Variants in SLC16A12 observed in about 807,000 individuals in gnomAD.
SLC16A12 encodes the protein monocarboxylate transporter 12.
In SLC16A12, 17 loss-of-function variants were observed where a neutral mutation model predicts 42.4. The ratio of observed to expected loss-of-function variants is 0.40; its 90% CI spans 0.27 to 0.60. The LOEUF (loss-of-function observed/expected upper bound fraction) is 0.60. Among genes scored for constraint, SLC16A12 ranks in the 20% least tolerant of loss-of-function variants. SLC16A12 has a pLI of 0.42. For missense variants in SLC16A12, 544 were observed against 623.0 expected (o/e 0.87, Z 1.35); for synonymous variants, 224 against 229.4 (o/e 0.98, Z 0.21).
At chr10:89,532,573 T>C (rs1408172826) in intron 2 of SLC16A12, among the ~76,000 whole-genome samples, 1 of 152,140 alleles carries the variant, frequency 6.6e-6, no homozygotes, top group African/African-American at 2.4e-5. Context: ...CATAAGAAAA[T>C]AGCTTCCAAA....
At position 89,432,935 on chromosome 10, in the gene SLC16A12, T is replaced by C; in HGVS notation, c.*129A>G. The C allele has an allele frequency of 2.3e-6, 3 of 1,278,448 alleles. No homozygotes were observed. The highest frequency in any genetic ancestry group is 3.2e-6 in the Non-Finnish European group (3 of 940,732). The allele number at this position is 1,278,448 out of a possible 1,614,324, so 79.2% of individuals were successfully genotyped here. ...TTTTCCCTTATAAATATTAATATGT[T>C]AACAAAACAATAATAATAATTTCCT... On this transcript the variant is annotated 3_prime_UTR_variant, in exon 8 of 8. Transcript: ENST00000371790.
intron 2 of SLC16A12, among the ~76,000 whole-genome samples, chr10:89,463,992 C>T (rs948784105): frequency 6.6e-6 from 1 of 152,134 alleles, no homozygotes; most frequent in Admixed American, 6.6e-5. Context: ...TGTGATGGAA[C>T]CTGACTCTCG....
chr10:89,488,051 A>T (rs1246858767), intron 2 of SLC16A12, among the ~76,000 whole-genome samples: 1 of 147,666 alleles, frequency 6.8e-6, no homozygotes, highest in African/African-American at 2.5e-5. Context: ...ATGTGTATGT[A>T]TAATACATAT....
At chr10:89,504,465 G>A (rs1843030930) in intron 2 of SLC16A12, among the ~76,000 whole-genome samples, 1 of 151,764 alleles carries the variant, frequency 6.6e-6, no homozygotes, top group African/African-American at 2.4e-5. Flanking sequence ...ATATATTATT[G>A]TACCCTGGAC....
At position 89,441,177 on chromosome 10, in the gene SLC16A12, TAG is replaced by T. The variant is rs778679651; in HGVS notation, c.377_378del (p.Ser126TyrfsTer73). Reference sequence around the variant, plus strand: ...GCAAATGAGCTCAGGATGAGTCCAGTAGATGCAAGCAAGCCACCCAGCATGAT... The same window carrying T: ...GCAAATGAGCTCAGGATGAGTCCAGTATGCAAGCAAGCCACCCAGCATGAT... ...VGIMLGGLLA[S>X]TGLILSSFAT... On this transcript the variant is annotated frameshift_variant, in exon 5 of 8. Coordinates refer to ENST00000371790, the MANE Select transcript of SLC16A12 (RefSeq NM_213606.4). LOFTEE classifies it high-confidence loss of function. The T allele has an allele frequency of 5.0e-6, 8 of 1,613,808 alleles. No individual in the cohort carries two copies. Among genetic ancestry groups the T allele is most frequent in the Non-Finnish European group, 6.8e-6 (8 of 1,179,896 alleles).
chr10:89,530,535 A>T (rs556338055), intron 2 of SLC16A12, among the ~76,000 whole-genome samples: 2 of 151,606 alleles, frequency 1.3e-5, no homozygotes, highest in East Asian at 3.9e-4. Flanking sequence ...CTCCTGCCTC[A>T]GCCTCCCGAG....
chr10:89,464,258 G>T (rs908334271), intron 2 of SLC16A12, among the ~76,000 whole-genome samples: 3 of 152,196 alleles, frequency 2.0e-5, no homozygotes, highest in Non-Finnish European at 4.4e-5. Flanking sequence ...TGAGCCTCCA[G>T]TTAAGGACAG....
At chr10:89,468,150 G>A (rs1256695338) in intron 2 of SLC16A12, 1 of 152,168 alleles carries the variant, frequency 6.6e-6, no homozygotes, top group African/African-American at 2.4e-5. Context: ...AGATGGCTGT[G>A]GTGATAGCAC....
At chr10:89,464,034 T>A (rs527841023) in intron 2 of SLC16A12, among the ~76,000 whole-genome samples, 61 of 152,308 alleles carry the variant, frequency 4.0e-4, no homozygotes, top group Non-Finnish European at 7.1e-4. Context: ...GACTCAGGCC[T>A]GCTAGCCACT....
rs759066217 is a variant in SLC16A12, at chr10:89,438,820, A to C, written c.812T>G (p.Leu271Trp). ...GAGTAAAAAACTGTACTCTTGCTGC[A>C]AACAGCAACAGAGGCAAGTCTGTGC... ...EWAQTCLCCCLQQEYSFLLMS... is the reference protein window; with the variant it reads ...EWAQTCLCCCWQQEYSFLLMS... The change falls in exon 6 of 8, where the codon TTG becomes TGG. Residue 271 changes from leucine to tryptophan, a missense_variant. Physicochemically the swap from Leu to Trp is moderately conservative, Grantham distance 61 (BLOSUM62 -2). Transcript: ENST00000371790. 9.3e-6 allele frequency: 15 copies of C among 1,614,218 alleles called. No individual in the cohort carries two copies. Among genetic ancestry groups the C allele is most frequent in the African/African-American group, 1.3e-5 (1 of 75,066 alleles).
chr10:89,466,749 C>T (rs537288448), intron 2 of SLC16A12, among the ~76,000 whole-genome samples: 11 of 152,298 alleles, frequency 7.2e-5, no homozygotes, highest in South Asian at 6.2e-4. Context: ...CCCCTTTACC[C>T]TATCCCTGAT....
In SLC16A12 at chr10:89,433,114, T is replaced by G; in HGVS notation, c.1501A>C (p.Lys501Gln). 1 of 1,614,190 alleles carries G rather than the reference T, an allele frequency of 6.2e-7. No individual in the cohort carries two copies. Among genetic ancestry groups the G allele is most frequent in the South Asian group, 1.1e-5 (1 of 91,082 alleles). Residue 501 changes from lysine (K) to glutamine (Q), a missense_variant, in exon 8 of 8, where the codon AAA becomes CAA. Coordinates refer to ENST00000371790, the MANE Select transcript of SLC16A12 (RefSeq NM_213606.4). ...AYSVARELDQKHGEPVATAVP... is the reference protein window; with the variant it reads ...AYSVARELDQQHGEPVATAVP... ...GCTGTAGCCACAGGCTCCCCATGTT[T>G]CTGATCTAATTCTCTTGCCACAGAA...
At chr10:89,492,998 GAAC>G (rs1842868564) in intron 2 of SLC16A12, among the ~76,000 whole-genome samples, 1 of 152,074 alleles carries the variant, frequency 6.6e-6, no homozygotes, top group Non-Finnish European at 1.5e-5. Flanking sequence ...ACATTTGCTA[GAAC>G]AACAAGGAAG....
chr10:89,555,505 G>A (rs979059317), intron 2 of SLC16A12, among the ~76,000 whole-genome samples: 24 of 138,246 alleles, frequency 1.7e-4, no homozygotes, highest in African/African-American at 3.2e-4. Flanking sequence ...ACGTATATAC[G>A]TATATATATG....
At chr10:89,541,327 G>T (rs551227942) in intron 2 of SLC16A12, among the ~76,000 whole-genome samples, 21 of 152,226 alleles carry the variant, frequency 1.4e-4, no homozygotes, top group Non-Finnish European at 2.4e-4. Flanking sequence ...TGGGTATGGT[G>T]GCTCATGCCT....
At chr10:89,453,982 CTCTT>C (rs1425707763) in intron 3 of SLC16A12, among the ~76,000 whole-genome samples, 2 of 151,946 alleles carry the variant, frequency 1.3e-5, no homozygotes, top group African/African-American at 4.8e-5. Flanking sequence ...CTCTCTCTCT[CTCTT>C]TAACCTTTTT....
chr10:89,500,322 G>A (rs1428484985), intron 2 of SLC16A12, among the ~76,000 whole-genome samples: 1 of 151,948 alleles, frequency 6.6e-6, no homozygotes, highest in Non-Finnish European at 1.5e-5. Context: ...CTAAAACCAG[G>A]AAAGGACATA....
rs1446549033 is a variant in SLC16A12 at position 89,535,505 on chromosome 10, T to C, written c.-250A>G. On this transcript the variant is annotated 5_prime_UTR_variant, in exon 1 of 8. Coordinates refer to ENST00000371790, the MANE Select transcript of SLC16A12 (RefSeq NM_213606.4). ...AGGGAAGAGGGGGAGCCGAGGAAGC[T>C]TCTTGGCCAGGGCGCTGGGGATCCG... 1 of 152,996 alleles carries C rather than the reference T, an allele frequency of 6.5e-6. No homozygotes were observed. Among genetic ancestry groups the C allele is most frequent in the East Asian group, 1.9e-4 (1 of 5,212 alleles). The allele number at this position is 152,996 out of a possible 1,614,324, so 9.5% of individuals were successfully genotyped here.
At chr10:89,506,744 T>A (rs1003064078) in intron 2 of SLC16A12, among the ~76,000 whole-genome samples, 1 of 152,040 alleles carries the variant, frequency 6.6e-6, no homozygotes, top group African/African-American at 2.4e-5. Context: ...TTGACAGAAG[T>A]AGGCTTCAGA....
Sources: allele counts gnomAD v4.1 joint callset (sites outside exome capture counted in the v4.1 genomes callset), GRCh38; gene constraint gnomAD v4.1.1; transcripts MANE v1.5; gene names NCBI Gene and HGNC (gene_info 2026-07-23, HGNC 2026-07-21).